Variants in IDS observed in about 807,000 individuals in gnomAD.
The protein encoded by IDS is alpha-L-iduronate sulfate sulfatase.
IDS carries 1 observed loss-of-function variant against 33.5 expected under a neutral mutation model. The ratio of observed to expected loss-of-function variants is 0.03; its 90% confidence interval spans 0.01 to 0.14. The LOEUF (loss-of-function observed/expected upper bound fraction) is 0.14, where lower values mean the gene tolerates loss of function less well. Among genes scored for constraint, IDS ranks in the 10% least tolerant of loss-of-function variants. IDS has a pLI of 1.00. For missense variants in IDS, 328 were observed against 448.0 expected (o/e 0.73, Z 2.42); for synonymous variants, 191 against 184.4 (o/e 1.04, Z -0.29).
intron 4 of IDS, among the ~76,000 whole-genome samples, chrX:149,500,724 G>A (rs895898419): frequency 1.1e-4 from 12 of 112,009 alleles, no homozygotes; most frequent in African/African-American, 3.6e-4. Flanking sequence ...AGAGCCCAAG[G>A]TTTTAGAACA....
intron 8 of IDS, among the ~76,000 whole-genome samples, chrX:149,485,943 C>T: frequency 8.9e-6 from 1 of 111,975 alleles, no homozygotes. Flanking sequence ...AGAACCAAGA[C>T]AAATTTAAAC....
intron 6 of IDS, among the ~76,000 whole-genome samples, chrX:149,490,653 A>G (rs1200096114): frequency 8.9e-6 from 1 of 112,499 alleles, no homozygotes; most frequent in Non-Finnish European, 1.9e-5. Flanking sequence ...TACAAATAAG[A>G]TACATTTCTA....
chrX:149,503,242 C>T, intron 3 of IDS, 70 bp downstream of exon 3: 1 of 1,176,240 alleles, frequency 8.5e-7, no homozygotes, highest in Non-Finnish European at 1.1e-6. Context: ...CAGCCCCATC[C>T]CCAGGATGGG....
chrX:149,479,335 G>A lies in IDS; in HGVS notation c.*3411C>T, dbSNP rs1557337225. Reference sequence around the variant, plus strand: ...CCGGCAAGAATTCAAAGTTAAAACAGGTTACCACTTTCACCTATTACCATC... The same window carrying A: ...CCGGCAAGAATTCAAAGTTAAAACAAGTTACCACTTTCACCTATTACCATC... On this transcript the variant is annotated 3_prime_UTR_variant, in exon 9 of 9. Coordinates refer to ENST00000340855, the MANE Select transcript of IDS (RefSeq NM_000202.8). 8.9e-6 allele frequency: 1 copy of A among 112,544 alleles called. No homozygotes were observed. Among genetic ancestry groups the A allele is most frequent in the African/African-American group, 3.2e-5 (1 of 30,990 alleles). The allele number at this position is 112,544 out of a possible 1,213,427, so 9.3% of individuals were successfully genotyped here.
At chrX:149,491,468 CCT>C (rs2089391046) in intron 6 of IDS, 4 of 821,624 alleles carry the variant, frequency 4.9e-6, no homozygotes, top group Non-Finnish European at 6.2e-6. Flanking sequence ...CAGACCAGCC[CCT>C]GACTTATCAG....
intron 6 of IDS, chrX:149,491,731 T>TGCTA (rs2089394233): frequency 1.3e-5 from 11 of 855,437 alleles, no homozygotes; most frequent in Non-Finnish European, 1.7e-5. Context: ...CTCCTTCCTA[T>TGCTA]GCTAGCCCCT....
chrX:149,496,840 T>C (rs2089440538), intron 5 of IDS, among the ~76,000 whole-genome samples: 2 of 112,180 alleles, frequency 1.8e-5, no homozygotes, highest in South Asian at 7.4e-4. Context: ...GGTGTTGGGT[T>C]CCCAAAACCA....
Position 149,503,373 on chromosome X carries a change from G to A in IDS, c.357C>T (p.Ile119=), listed in dbSNP as rs782362742. 1.2e-4 allele frequency: 144 copies of A among 1,195,031 alleles called. No individual in the cohort carries two copies. The highest frequency in any genetic ancestry group is 1.4e-4 in the Non-Finnish European group (123 of 887,390). ...AGCCATTCTCCTTGAAGTACTGGGG[G>A]ATGGTGGAGAAGTTTCCAGCGTGCA... ...WRVHAGNFST[I]PQYFKENGYV... The change falls in exon 3 of 9, where the codon ATC becomes ATT. Residue 119 remains isoleucine, a synonymous_variant. Transcript: ENST00000340855.
intron 4 of IDS, among the ~76,000 whole-genome samples, 171 bp downstream of exon 4, chrX:149,500,778 G>A (rs782472634): frequency 1.8e-5 from 2 of 110,297 alleles, no homozygotes; most frequent in Non-Finnish European, 3.8e-5. Flanking sequence ...TGCTCCTGTC[G>A]GGCCTAATGC....
chrX:149,482,835 G>A lies in IDS; in HGVS notation c.1564C>T (p.Leu522=), dbSNP rs2124648290. 8.3e-7 allele frequency: 1 copy of A among 1,211,842 alleles called. No individual in the cohort carries two copies. The highest frequency in any genetic ancestry group is 3.0e-5 in the East Asian group (1 of 33,850). ...ANFSDIHAGE[L]YFVDSDPLQD... ...AATGGGTCAGAATCCACAAAATACA[G>A]TTCCCCTGCATGGATGTCAGAAAAG... Residue 522 remains leucine (L), a synonymous_variant, in exon 9 of 9, where the codon CTG becomes TTG. Coordinates refer to ENST00000340855, the MANE Select transcript of IDS (RefSeq NM_000202.8).
At position 149,482,657 on chromosome X, in the gene IDS, A is replaced by G; in HGVS notation, c.*89T>C. 8.5e-7 allele frequency: 1 copy of G among 1,181,415 alleles called. No individual in the cohort carries two copies. The highest frequency in any genetic ancestry group is 1.8e-5 in the South Asian group (1 of 54,332). ...TAGCCCTCAGGCTGCTTCCAATATT[A>G]TGGGTAATCACAAAACGACCAGCTC... On this transcript the variant is annotated 3_prime_UTR_variant, in exon 9 of 9. Coordinates refer to ENST00000340855, the MANE Select transcript of IDS (RefSeq NM_000202.8).
chrX:149,499,709 A>T lies in IDS; in HGVS notation c.507+1240T>A, dbSNP rs372995795. 3.6e-5 allele frequency among the ~76,000 whole-genome samples: 4 copies of T among 110,380 alleles called. No homozygotes were observed. In the East Asian group the frequency reaches 1.1e-3, roughly 31 times the overall value. On this transcript the variant is annotated intron_variant, in intron 4 of 8. Transcript: ENST00000340855. ...AAAGGGAGAGTTTTATGGTATATGA[A>T]CTCTATTTTAATTAAAAATTTAAAA...
chrX:149,485,077 G>A (rs782405129), intron 8 of IDS, among the ~76,000 whole-genome samples: 2 of 112,117 alleles, frequency 1.8e-5, no homozygotes, highest in Admixed American at 1.9e-4. Flanking sequence ...AATCCAGGCT[G>A]TGGGACACTG....
chrX:149,493,435 G>A (rs1305293100), intron 6 of IDS, among the ~76,000 whole-genome samples: 1 of 111,834 alleles, frequency 8.9e-6, no homozygotes, highest in Non-Finnish European at 1.9e-5. Flanking sequence ...AAGAACAAAT[G>A]GACAATGAGG....
At chrX:149,496,927 A>G (rs1299447460) in intron 5 of IDS, among the ~76,000 whole-genome samples, 1 of 112,220 alleles carries the variant, frequency 8.9e-6, no homozygotes, top group Non-Finnish European at 1.9e-5. Flanking sequence ...GACTTATTAC[A>G]GTGAAACACA....
rs1184310089 is a variant in IDS, at chrX:149,478,270, CA to C, written c.*4475del. 1.8e-5 allele frequency: 2 copies of C among 112,055 alleles called. No homozygotes were observed. Among genetic ancestry groups the C allele is most frequent in the African/African-American group, 6.5e-5 (2 of 30,801 alleles). The allele number at this position is 112,055 out of a possible 1,213,427, so 9.2% of individuals were successfully genotyped here. A position where few individuals can be genotyped will look rare whatever the true frequency, so the allele number is the denominator to read the frequency against. ...GATTAATGTAGGTTGGGTGTATACC[CA>C]AAACAATTAAGAGCAGGGACTCGAA... On this transcript the variant is annotated 3_prime_UTR_variant, in exon 9 of 9. Coordinates refer to ENST00000340855, the MANE Select transcript of IDS (RefSeq NM_000202.8).
In IDS at chrX:149,505,036, T is replaced by C; in HGVS notation, c.102A>G (p.Thr34=). Residue 34 remains threonine, a splice_region_variant and synonymous_variant, in exon 1 of 9, where the codon ACA becomes ACG. Coordinates refer to ENST00000340855, the MANE Select transcript of IDS (RefSeq NM_000202.8). Reference sequence around the variant, plus strand: ...TGGCAGGGAGGGCGTGGGCGGCACCTGTGGTCGAGTTGGCCTGCGTTTCGG... The same window carrying C: ...TGGCAGGGAGGGCGTGGGCGGCACCCGTGGTCGAGTTGGCCTGCGTTTCGG... The part of the protein sequence containing the change: ...LGSETQANST[T]DALNVLLIIV... The C allele has an allele frequency of 8.3e-7, 1 of 1,201,013 alleles. No homozygotes were observed. The highest frequency in any genetic ancestry group is 1.1e-6 in the Non-Finnish European group (1 of 886,505).
chrX:149,486,818 AG>A (rs781902708), intron 8 of IDS, 106 bp downstream of exon 8: 4 of 847,312 alleles, frequency 4.7e-6, no homozygotes, highest in African/African-American at 4.0e-5. Flanking sequence ...CAAGGCAGGA[AG>A]GGGGGGTCTG....
chrX:149,483,296 C>G (rs1483136221), intron 8 of IDS, 78 bp from the exon 9 acceptor site: 8 of 731,990 alleles, frequency 1.1e-5, no homozygotes, highest in African/African-American at 6.4e-5. Flanking sequence ...GTAAAGGAAC[C>G]TGTCTGGGCT....
Sources: allele counts gnomAD v4.1 joint callset (sites outside exome capture counted in the v4.1 genomes callset), GRCh38; gene constraint gnomAD v4.1.1; transcripts MANE v1.5; gene names NCBI Gene and HGNC (gene_info 2026-07-23, HGNC 2026-07-21).